Variants in CAMK2D observed in about 807,000 individuals in gnomAD.
CAMK2D encodes calcium/calmodulin-dependent protein kinase type II subunit delta.
Under a neutral mutation model 84.0 loss-of-function variants are expected in CAMK2D, and 37 were observed. That is an observed-to-expected ratio of 0.44 (90% CI 0.34 to 0.58). The LOEUF (loss-of-function observed/expected upper bound fraction) is 0.58. Ranked by LOEUF, CAMK2D falls within the 20% of genes least tolerant of loss-of-function variation. The pLI, the probability that CAMK2D is intolerant of heterozygous loss-of-function variation, is 0.02. For missense variants in CAMK2D, 448 were observed against 652.5 expected, an observed-to-expected ratio of 0.69 and a Z score of 3.41; for synonymous variants, 202 against 212.5, an observed-to-expected ratio of 0.95 and a Z score of 0.43.
At chr4:113,506,899 CCACACA>C (rs1316797010) in intron 13 of CAMK2D, among the ~76,000 whole-genome samples, 5 of 149,934 alleles carry the variant, frequency 3.3e-5, no homozygotes, top group African/African-American at 5.0e-5. Flanking sequence ...GTTCCCCCCC[CCACACA>C]CACACACCTA....
chr4:113,662,184 A>C (rs931053736), intron 2 of CAMK2D, among the ~76,000 whole-genome samples: 27 of 152,182 alleles, frequency 1.8e-4, no homozygotes, highest in African/African-American at 6.3e-4. Flanking sequence ...AGGTAATTAT[A>C]TTTTATCCCT....
intron 8 of CAMK2D, among the ~76,000 whole-genome samples, chr4:113,529,838 G>A (rs2098446392): frequency 6.6e-6 from 1 of 152,178 alleles, no homozygotes; most frequent in South Asian, 2.1e-4. Context: ...ATACTTATTG[G>A]AAGGACTGGC....
At chr4:113,564,517 G>A (rs1040213058) in intron 4 of CAMK2D, among the ~76,000 whole-genome samples, 5 of 151,800 alleles carry the variant, frequency 3.3e-5, no homozygotes, top group African/African-American at 9.7e-5. Flanking sequence ...ATTTCACACC[G>A]AGACCATCTG....
At chr4:113,747,154 G>A (rs1179986171) in intron 2 of CAMK2D, among the ~76,000 whole-genome samples, 2 of 151,790 alleles carry the variant, frequency 1.3e-5, no homozygotes, top group Non-Finnish European at 2.9e-5. Context: ...TTGCTAGGGA[G>A]GCTAAATATT....
intron 16 of CAMK2D, among the ~76,000 whole-genome samples, chr4:113,495,530 A>T (rs1309218587): frequency 6.6e-6 from 1 of 152,196 alleles, no homozygotes; most frequent in African/African-American, 2.4e-5. Flanking sequence ...TCACTAATGT[A>T]CATATTTATA....
At chr4:113,649,979 G>A (rs2099166548) in intron 3 of CAMK2D, among the ~76,000 whole-genome samples, 1 of 152,146 alleles carries the variant, frequency 6.6e-6, no homozygotes, top group African/African-American at 2.4e-5. Flanking sequence ...CTACTCGGGA[G>A]GCTGAGGCAG....
intron 2 of CAMK2D, among the ~76,000 whole-genome samples, chr4:113,752,784 G>T (rs1181168237): frequency 6.6e-6 from 1 of 152,068 alleles, no homozygotes; most frequent in Non-Finnish European, 1.5e-5. Context: ...TGTCCTTCCA[G>T]AAGACAGCAT....
At chr4:113,653,829 G>A (rs1322045842) in intron 3 of CAMK2D, among the ~76,000 whole-genome samples, 1 of 151,944 alleles carries the variant, frequency 6.6e-6, no homozygotes, top group Non-Finnish European at 1.5e-5. Flanking sequence ...GATTGTATGG[G>A]TTCCTTACAG....
intron 4 of CAMK2D, among the ~76,000 whole-genome samples, chr4:113,591,797 T>C (rs2098887518): frequency 6.6e-6 from 1 of 152,182 alleles, no homozygotes; most frequent in Non-Finnish European, 1.5e-5. Context: ...TTCTTGGCAT[T>C]GCAGGGAGGA....
intron 2 of CAMK2D, among the ~76,000 whole-genome samples, chr4:113,714,319 G>T (rs768379553): frequency 6.6e-6 from 1 of 151,856 alleles, no homozygotes; most frequent in African/African-American, 2.4e-5. Context: ...AGTAAGTTTG[G>T]GTATCTGGTA....
chr4:113,537,226 C>A, intron 7 of CAMK2D, 115 bp downstream of exon 7: 1 of 566,746 alleles, frequency 1.8e-6, no homozygotes, highest in South Asian at 2.8e-5. Context: ...AAAAATTAGT[C>A]AAATTGTTAT....
rs1452373324 is a variant in CAMK2D, at chr4:113,454,499, G to T, written c.*46C>A. ...CTTGAGAACAGAGAATGCAGAAGTG[G>T]CACTGTTGAAATTTAGCTGAAAGGA... On this transcript the variant is annotated 3_prime_UTR_variant, in exon 21 of 21. Transcript: ENST00000511664. The T allele has an allele frequency of 2.6e-6, 2 of 778,650 alleles. No homozygotes were observed. 48.2% of individuals were successfully genotyped at this position (778,650 alleles called of 1,614,324 possible).
At chr4:113,592,678 C>T (rs77096780) in intron 4 of CAMK2D, among the ~76,000 whole-genome samples, 6,060 of 151,788 alleles carry the variant, frequency 0.04, 356 homozygotes, top group East Asian at 0.19. Flanking sequence ...TTATCCGTCT[C>T]GGCAACCTAT....
chr4:113,684,591 C>T lies in CAMK2D; in HGVS notation c.161-22819G>A, dbSNP rs139089507. On this transcript the variant is annotated intron_variant, in intron 2 of 20. Transcript: ENST00000511664. Reference sequence around the variant, plus strand: ...TGACTATGCAGCTGCTCGGTAACAGCGTCTAGTCACACTCTGAGATACTGA... The same window carrying T: ...TGACTATGCAGCTGCTCGGTAACAGTGTCTAGTCACACTCTGAGATACTGA... 1.7e-3 allele frequency among the ~76,000 whole-genome samples: 257 copies of T among 152,214 alleles called. 7 individuals are homozygous for T. In the East Asian group the frequency reaches 0.036, roughly 21 times the overall value.
intron 16 of CAMK2D, among the ~76,000 whole-genome samples, chr4:113,475,554 C>T (rs1314797138): frequency 1.3e-5 from 2 of 152,126 alleles, no homozygotes; most frequent in African/African-American, 4.8e-5. Flanking sequence ...TTTCTCACAC[C>T]AATGTTGCCT....
At chr4:113,603,180 G>T (rs7661717) in intron 4 of CAMK2D, among the ~76,000 whole-genome samples, 1,601 of 152,204 alleles carry the variant, frequency 0.011, 38 homozygotes, top group African/African-American at 0.037. Flanking sequence ...TTCATTATTT[G>T]CTGTAAAGAT....
In CAMK2D at chr4:113,759,320, C is replaced by A; in HGVS notation, c.160G>T (p.Asp54Tyr). ...AATATATGTGGTTGAAAATACCCACCCCTAGCAGAAAGCTTTTTGGTGTTG... is the reference window on the plus strand; with the variant it reads ...AATATATGTGGTTGAAAATACCCACACCTAGCAGAAAGCTTTTTGGTGTTG... The part of the protein sequence containing the change: ...IINTKKLSAR[D>Y]HQKLEREARI... The change falls in exon 2 of 21, where the codon GAT becomes TAT. Residue 54 changes from aspartate to tyrosine, a missense_variant and splice_region_variant. Coordinates refer to ENST00000511664, the MANE Select transcript of CAMK2D (RefSeq NM_001321571.2). The A allele has an allele frequency of 1.3e-6, 2 of 1,596,048 alleles. No individual in the cohort carries two copies. The highest frequency in any genetic ancestry group is 1.7e-6 in the Non-Finnish European group (2 of 1,167,412).
chr4:113,657,667 TG>T (rs1269513433), intron 3 of CAMK2D, among the ~76,000 whole-genome samples: 4 of 152,032 alleles, frequency 2.6e-5, no homozygotes, highest in Non-Finnish European at 5.9e-5. Context: ...AAATAACACA[TG>T]AAAAAAAGTA....
chr4:113,553,055 C>A (rs1413330690), intron 4 of CAMK2D, among the ~76,000 whole-genome samples: 1 of 152,166 alleles, frequency 6.6e-6, no homozygotes, highest in Admixed American at 6.6e-5. Flanking sequence ...AAGGACATTT[C>A]ATCTTTGGGG....
Sources: allele counts gnomAD v4.1 joint callset (sites outside exome capture counted in the v4.1 genomes callset), GRCh38; gene constraint gnomAD v4.1.1; transcripts MANE v1.5; gene names NCBI Gene and HGNC (gene_info 2026-07-23, HGNC 2026-07-21).